The following FAM78B variants were observed in gnomAD, a reference collection of about 807,000 sequenced individuals.
The protein encoded by FAM78B is protein FAM78B.
A neutral mutation model predicts 20.0 loss-of-function variants in FAM78B; 10 were observed. The observed-to-expected ratio is 0.50, with a 90% CI of 0.31 to 0.85. The LOEUF (loss-of-function observed/expected upper bound fraction) is 0.85, where lower values mean the gene tolerates loss of function less well. FAM78B is among the 40% of genes least tolerant of loss of function. The pLI, the probability that FAM78B is intolerant of heterozygous loss-of-function variation, is 0.05. For missense variants in FAM78B, 283 were observed against 345.0 expected (o/e 0.82, Z 1.42); for synonymous variants, 135 against 132.8 (o/e 1.02, Z -0.12).
At chr1:166,132,008 C>A (rs1367238367) in intron 1 of FAM78B, among the ~76,000 whole-genome samples, 3 of 152,174 alleles carry the variant, frequency 2.0e-5, no homozygotes, top group African/African-American at 7.2e-5. Flanking sequence ...CAATCTGAGG[C>A]TGAATGTCAG....
chr1:166,104,069 A>G, intron 1 of FAM78B, among the ~76,000 whole-genome samples: 1 of 152,330 alleles, frequency 6.6e-6, no homozygotes, highest in Non-Finnish European at 1.5e-5. Flanking sequence ...CAATAAACAT[A>G]ATCCAGCATA....
chr1:166,130,029 C>G (rs1254808875), intron 1 of FAM78B, among the ~76,000 whole-genome samples: 1 of 152,224 alleles, frequency 6.6e-6, no homozygotes, highest in Non-Finnish European at 1.5e-5. Flanking sequence ...TCAGGCTATA[C>G]CAGCCTATCT....
chr1:166,124,344 C>A (rs996241516), intron 1 of FAM78B, among the ~76,000 whole-genome samples: 5 of 152,188 alleles, frequency 3.3e-5, no homozygotes, highest in African/African-American at 1.2e-4. Flanking sequence ...ATTGTAGTTA[C>A]TATAGAATAA....
At chr1:166,071,493 C>T (rs1227265883) in intron 1 of FAM78B, among the ~76,000 whole-genome samples, 1 of 152,242 alleles carries the variant, frequency 6.6e-6, no homozygotes. Flanking sequence ...CACCTACCTA[C>T]TCCTCCTGGC....
intron 1 of FAM78B, among the ~76,000 whole-genome samples, chr1:166,109,882 G>GTGTATATA (rs1553219461): frequency 0.066 from 800 of 12,112 alleles, 63 homozygotes; most frequent in African/African-American, 0.12. Flanking sequence ...ATATATATAT[G>GTGTATATA]TATATATGTA....
intron 1 of FAM78B, among the ~76,000 whole-genome samples, chr1:166,153,113 G>A (rs1347664441): frequency 1.2e-4 from 19 of 152,170 alleles, no homozygotes; most frequent in Admixed American, 1.1e-3. Flanking sequence ...GAAAGTAGAC[G>A]CCCAGCCAGG....
chr1:166,058,350 A>T (rs1651432583), exon 3 of FAM78B: 1 of 152,070 alleles, frequency 6.6e-6, no homozygotes, highest in South Asian at 2.1e-4. Context: ...CTGATGGGGA[A>T]AGAAGGCTTG....
At chr1:166,077,765 A>G (rs1652343914) in intron 1 of FAM78B, among the ~76,000 whole-genome samples, 1 of 138,332 alleles carries the variant, frequency 7.2e-6, no homozygotes, top group Admixed American at 7.7e-5. Context: ...ATATATTTAT[A>G]TATGAATTAT....
chr1:166,140,310 G>A (rs1331359181), intron 1 of FAM78B, among the ~76,000 whole-genome samples: 1 of 152,254 alleles, frequency 6.6e-6, no homozygotes, highest in African/African-American at 2.4e-5. Flanking sequence ...ACAAATGGAT[G>A]AGGAATCAGC....
intron 2 of FAM78B, among the ~76,000 whole-genome samples, chr1:166,063,753 T>A (rs1361507825): frequency 2.0e-5 from 3 of 152,258 alleles, no homozygotes; most frequent in East Asian, 1.9e-4. Context: ...CCCAGTAAGG[T>A]CCATGTGGCA....
chr1:166,059,148 G>C (rs1339478312), exon 3 of FAM78B: 1 of 152,670 alleles, frequency 6.6e-6, no homozygotes, highest in Non-Finnish European at 1.5e-5. Context: ...CAGAGAGTAG[G>C]TTTCTGCTCC....
chr1:166,078,585 A>G (rs1442230052), intron 1 of FAM78B, among the ~76,000 whole-genome samples: 1 of 152,214 alleles, frequency 6.6e-6, no homozygotes, highest in Non-Finnish European at 1.5e-5. Context: ...CCATGGGTTA[A>G]GGTCAAGACT....
exon 3 of FAM78B, chr1:166,057,886 G>T (rs965407559): frequency 6.6e-6 from 1 of 151,974 alleles, no homozygotes; most frequent in African/African-American, 2.4e-5. Context: ...GCTGGCAGCC[G>T]GTGAAAAAAT....
At chr1:166,123,647 A>G (rs886094933) in intron 1 of FAM78B, among the ~76,000 whole-genome samples, 1 of 152,162 alleles carries the variant, frequency 6.6e-6, no homozygotes, top group Non-Finnish European at 1.5e-5. Flanking sequence ...TAAACAATGA[A>G]AGGATTTATT....
chr1:166,096,132 T>C (rs1053646884), intron 1 of FAM78B, among the ~76,000 whole-genome samples: 1 of 152,184 alleles, frequency 6.6e-6, no homozygotes, highest in African/African-American at 2.4e-5. Context: ...ATATTATCTG[T>C]CTCTAAGAAA....
rs1043949820 is a variant in FAM78B, at chr1:166,069,646, A to G, written c.*595T>C. Reference sequence around the variant, plus strand: ...GGCTTTCTCCCTCAGAAAGGAGCAAATATCAGTATTTGTCTAGTTTTCTAA... The same window carrying G: ...GGCTTTCTCCCTCAGAAAGGAGCAAGTATCAGTATTTGTCTAGTTTTCTAA... On this transcript the variant is annotated 3_prime_UTR_variant, in exon 2 of 2. Transcript: ENST00000354422. 10 of 152,368 alleles carry G rather than the reference A, an allele frequency of 6.6e-5. No homozygotes were observed. In the East Asian group the frequency reaches 1.5e-3, roughly 23 times the overall value. 9.4% of individuals were successfully genotyped at this position (152,368 alleles called of 1,614,324 possible).
chr1:166,110,770 A>C (rs908377300), intron 1 of FAM78B, among the ~76,000 whole-genome samples: 1 of 152,226 alleles, frequency 6.6e-6, no homozygotes, highest in Admixed American at 6.5e-5. Context: ...AGCATCTGGC[A>C]GAGCTCTGTG....
At chr1:166,057,933 CT>C (rs1266114185) in exon 3 of FAM78B, 1 of 151,470 alleles carries the variant, frequency 6.6e-6, no homozygotes, top group Non-Finnish European at 1.5e-5. Context: ...ATTAATTTAG[CT>C]AGTTCCCTGT....
Position 166,120,399 on chromosome 1 carries a change from C to T in FAM78B, c.263+45587G>A, listed in dbSNP as rs182936417. ...TGGAGGCTTTCTTTCATCACAGTTG[C>T]GGGCTGACCGTGCCACGCCTACTTA... is the stretch of plus-strand genomic sequence containing the variant. On this transcript the variant is annotated intron_variant, in intron 1 of 1. Coordinates refer to ENST00000354422, the MANE Select transcript of FAM78B (RefSeq NM_001017961.5). 1.6e-3 allele frequency among the ~76,000 whole-genome samples: 237 copies of T among 152,314 alleles called. 2 individuals are homozygous for T. The highest frequency in any genetic ancestry group is 1.3e-3 in the Non-Finnish European group (88 of 68,018).
Sources: gnomAD v4.1 joint callset for allele counts (sites outside exome capture counted in the v4.1 genomes callset) on GRCh38, gnomAD v4.1.1 for gene constraint, MANE v1.5 for transcripts, NCBI Gene and HGNC (gene_info 2026-07-23, HGNC 2026-07-21) for gene names.